CFAP54: variants seen among roughly 807,000 people sequenced by gnomAD.
CFAP54 encodes the protein cilia and flagella associated protein 54.
In CFAP54, 290 loss-of-function variants were observed where a neutral mutation model predicts 370.4. The observed-to-expected ratio is 0.78, with a 90% CI of 0.71 to 0.86. The LOEUF (loss-of-function observed/expected upper bound fraction) is 0.86, where lower values mean the gene tolerates loss of function less well. CFAP54 is among the 40% of genes least tolerant of loss of function. The pLI is 0.00. For synonymous variants in CFAP54, 1,206 were observed against 1,236.5 expected (o/e 0.98, Z 0.52); for missense variants, 3,399 against 3,528.7 (o/e 0.96, Z 0.93).
chr12:96,675,239 A>C (rs1169296553), intron 39 of CFAP54, among the ~76,000 whole-genome samples: 1 of 152,220 alleles, frequency 6.6e-6, no homozygotes, highest in East Asian at 1.9e-4. Flanking sequence ...ACAAATTTAC[A>C]AGAAAAAAAC....
intron 25 of CFAP54, among the ~76,000 whole-genome samples, chr12:96,598,307 T>C (rs1016854939): frequency 6.6e-6 from 1 of 152,070 alleles, no homozygotes; most frequent in Non-Finnish European, 1.5e-5. Context: ...TCAAGTTCCT[T>C]CTATACCTGG....
intron 60 of CFAP54, 32 bp downstream of exon 60, chr12:96,765,250 A>C (rs1373588838): frequency 6.9e-7 from 1 of 1,439,950 alleles, no homozygotes; most frequent in African/African-American, 1.4e-5. Context: ...TTATGCAAAA[A>C]AACTGATATA....
chr12:96,560,827 C>T (rs1192479176), intron 17 of CFAP54, among the ~76,000 whole-genome samples: 2 of 152,132 alleles, frequency 1.3e-5, no homozygotes. Flanking sequence ...AGACTTTCAC[C>T]CAATGGTCTT....
chr12:96,600,011 T>G (rs1456689805), intron 26 of CFAP54, among the ~76,000 whole-genome samples: 1 of 151,624 alleles, frequency 6.6e-6, no homozygotes, highest in Non-Finnish European at 1.5e-5. Context: ...TTAATTAGAT[T>G]CCATTTTTCT....
intron 65 of CFAP54, among the ~76,000 whole-genome samples, chr12:96,828,048 T>C (rs886473591): frequency 6.3e-5 from 8 of 127,862 alleles, no homozygotes; most frequent in Non-Finnish European, 1.3e-4. Flanking sequence ...TATAATTATA[T>C]ATTAATATAT....
Position 96,704,776 on chromosome 12 carries a change from A to G in CFAP54, c.6508A>G (p.Thr2170Ala). Residue 2170 changes from threonine (T) to alanine (A), a missense_variant, in exon 47 of 68, where the codon ACC becomes GCC. Physicochemically the swap from Thr to Ala is moderately conservative, Grantham distance 58. Coordinates refer to ENST00000524981, the MANE Select transcript of CFAP54 (RefSeq NM_001306084.2). The stretch of plus-strand genomic sequence containing the variant: ...ATCATTTGACTCAGGAAAACTTCTT[A>G]CCAGTAAAGAAAATATACAGGTAAG... The part of the protein sequence containing the change: ...FQSFDSGKLL[T>A]SKENIQAIDE... 8.4e-7 allele frequency: 1 copy of G among 1,191,970 alleles called. No individual in the cohort carries two copies. Among genetic ancestry groups the G allele is most frequent in the Non-Finnish European group, 1.2e-6 (1 of 858,232 alleles). The allele number at this position is 1,191,970 out of a possible 1,614,324, so 73.8% of individuals were successfully genotyped here. A position where few individuals can be genotyped will look rare whatever the true frequency, so the allele number is the denominator to read the frequency against.
intron 39 of CFAP54, among the ~76,000 whole-genome samples, chr12:96,671,307 C>A (rs1348833702): frequency 6.6e-6 from 1 of 152,176 alleles, no homozygotes; most frequent in African/African-American, 2.4e-5. Flanking sequence ...CTGCCTGCTT[C>A]CTCCCAATTC....
chr12:96,790,510 TAAAC>T (rs374162275), intron 62 of CFAP54, among the ~76,000 whole-genome samples: 42 of 152,346 alleles, frequency 2.8e-4, no homozygotes, highest in East Asian at 9.6e-4. Flanking sequence ...ACTGTGCTAA[TAAAC>T]AATGCACATA....
At chr12:96,717,201 G>T (rs1311751273) in intron 48 of CFAP54, among the ~76,000 whole-genome samples, 1 of 152,112 alleles carries the variant, frequency 6.6e-6, no homozygotes, top group Non-Finnish European at 1.5e-5. Context: ...TGCATTCCAG[G>T]CTTCTTTTGT....
At chr12:96,550,215 G>A (rs1218951703) in intron 15 of CFAP54, among the ~76,000 whole-genome samples, 1 of 152,162 alleles carries the variant, frequency 6.6e-6, no homozygotes. Flanking sequence ...TGATGGTGGT[G>A]GTAGTGATGG....
chr12:96,614,484 A>G (rs1956394553), intron 26 of CFAP54, among the ~76,000 whole-genome samples: 1 of 152,214 alleles, frequency 6.6e-6, no homozygotes, highest in African/African-American at 2.4e-5. Context: ...CACCACACCT[A>G]TTCAACATAG....
rs1306668359 is a variant in CFAP54 at position 96,752,507 on chromosome 12, T to C, written c.7685-1236T>C. Among the ~76,000 whole-genome samples, 3 of 152,186 alleles carry C rather than the reference T, an allele frequency of 2.0e-5. No individual in the cohort carries two copies. The East Asian group carries it at 5.8e-4, about 29-fold the overall frequency. The stretch of plus-strand genomic sequence containing the variant: ...ATCAGAGTCCTACACTGCCTTTCTG[T>C]TTATATTACTTTATTGTGTGTTCAA... On this transcript the variant is annotated intron_variant, in intron 55 of 67. Transcript: ENST00000524981.
chr12:96,521,300 T>C (rs1039416206), intron 6 of CFAP54, among the ~76,000 whole-genome samples: 1 of 152,226 alleles, frequency 6.6e-6, no homozygotes, highest in African/African-American at 2.4e-5. Flanking sequence ...AGGATTATAA[T>C]AATGGTGATA....
At chr12:96,603,890 G>T (rs953607104) in intron 26 of CFAP54, among the ~76,000 whole-genome samples, 1 of 152,120 alleles carries the variant, frequency 6.6e-6, no homozygotes, top group Non-Finnish European at 1.5e-5. Context: ...CTTCCTTGCG[G>T]TGGGTTAGAA....
rs1956974460 is a variant in CFAP54, at chr12:96,660,030, A to G, written c.5460+1684A>G. Among the ~76,000 whole-genome samples the G allele has an allele frequency of 2.0e-5, 3 of 152,240 alleles. No homozygotes were observed. The South Asian group carries it at 6.2e-4, about 31-fold the overall frequency. On this transcript the variant is annotated intron_variant, in intron 38 of 67. Coordinates refer to ENST00000524981, the MANE Select transcript of CFAP54 (RefSeq NM_001306084.2). ...TGTAAACAGATGAGTAGAAAGACTTATAATCATTATAAGGTCTCTGAAGAA... is the reference window on the plus strand; with the variant it reads ...TGTAAACAGATGAGTAGAAAGACTTGTAATCATTATAAGGTCTCTGAAGAA...
intron 27 of CFAP54, among the ~76,000 whole-genome samples, chr12:96,622,428 G>A (rs1055808930): frequency 2.1e-5 from 3 of 144,180 alleles, no homozygotes; most frequent in South Asian, 2.2e-4. Context: ...TTGCCTCACC[G>A]TAGCCTCCAC....
At chr12:96,513,498 C>T (rs1375003350) in intron 5 of CFAP54, among the ~76,000 whole-genome samples, 2 of 152,076 alleles carry the variant, frequency 1.3e-5, no homozygotes, top group African/African-American at 2.4e-5. Flanking sequence ...CCCAGCACTT[C>T]GGGAGACCTA....
chr12:96,591,498 AGAGACT>A (rs1343562603), intron 23 of CFAP54, among the ~76,000 whole-genome samples: 1 of 152,112 alleles, frequency 6.6e-6, no homozygotes, highest in African/African-American at 2.4e-5. Flanking sequence ...GTAGAGAGAG[AGAGACT>A]GAAGAAGAAA....
intron 66 of CFAP54, among the ~76,000 whole-genome samples, chr12:96,859,596 G>C (rs950466560): frequency 1.3e-5 from 2 of 151,966 alleles, no homozygotes; most frequent in East Asian, 3.9e-4. Flanking sequence ...TAGTAGAGAC[G>C]GGGTTTCACT....
Sources: gnomAD v4.1 joint callset for allele counts (sites outside exome capture counted in the v4.1 genomes callset) on GRCh38, gnomAD v4.1.1 for gene constraint, MANE v1.5 for transcripts, NCBI Gene and HGNC (gene_info 2026-07-23, HGNC 2026-07-21) for gene names.